Variants in DLG2 observed in about 807,000 individuals in gnomAD.
DLG2 encodes the protein discs large MAGUK scaffold protein 2.
Under a neutral mutation model 132.5 loss-of-function variants are expected in DLG2, and 45 were observed. The ratio of observed to expected loss-of-function variants is 0.34; its 90% CI spans 0.27 to 0.44. The LOEUF (loss-of-function observed/expected upper bound fraction) is 0.44. Ranked by LOEUF, DLG2 falls within the 20% of genes least tolerant of loss-of-function variation. DLG2 has a pLI of 1.00. For missense variants in DLG2, 1,045 were observed against 1,196.9 expected (o/e 0.87, Z 1.87); for synonymous variants, 424 against 419.6 (o/e 1.01, Z -0.13).
intron 6 of DLG2, among the ~76,000 whole-genome samples, chr11:84,915,745 T>G (rs994766749): frequency 6.6e-6 from 1 of 152,214 alleles, no homozygotes; most frequent in Admixed American, 6.5e-5. Context: ...TCTTATTTGG[T>G]GGTAACACAT....
At chr11:84,532,881 G>A (rs954217154) in intron 7 of DLG2, among the ~76,000 whole-genome samples, 5 of 152,016 alleles carry the variant, frequency 3.3e-5, no homozygotes, top group South Asian at 2.1e-4. Context: ...TCAGTCTCTC[G>A]GCCCTGCCCT....
intron 19 of DLG2, among the ~76,000 whole-genome samples, chr11:83,623,599 A>G (rs2061995565): frequency 1.3e-5 from 2 of 152,222 alleles, no homozygotes. Context: ...AAAACAGAGG[A>G]GCATGTGCTT....
chr11:85,516,520 CA>C (rs758721717), intron 3 of DLG2, among the ~76,000 whole-genome samples: 1 of 151,884 alleles, frequency 6.6e-6, no homozygotes, highest in East Asian at 1.9e-4. Flanking sequence ...TAAATGTAAA[CA>C]AAAGTGATAG....
intron 5 of DLG2, among the ~76,000 whole-genome samples, chr11:85,152,897 T>TC (rs2077348767): frequency 6.6e-6 from 1 of 152,184 alleles, no homozygotes; most frequent in African/African-American, 2.4e-5. Context: ...AATCAACCAG[T>TC]TTTAATTCAT....
intron 6 of DLG2, among the ~76,000 whole-genome samples, chr11:84,645,759 G>A (rs772360920): frequency 6.6e-6 from 1 of 152,182 alleles, no homozygotes; most frequent in Admixed American, 6.5e-5. Flanking sequence ...GAGCCACCGC[G>A]CCAGGCCCAT....
At chr11:84,324,169 T>A (rs2098419480) in intron 7 of DLG2, among the ~76,000 whole-genome samples, 1 of 152,072 alleles carries the variant, frequency 6.6e-6, no homozygotes, top group South Asian at 2.1e-4. Context: ...TTTATATTTT[T>A]ATCCAGGAGT....
At chr11:84,725,562 C>G (rs1205679157) in intron 6 of DLG2, among the ~76,000 whole-genome samples, 1 of 152,044 alleles carries the variant, frequency 6.6e-6, no homozygotes, top group Non-Finnish European at 1.5e-5. Context: ...GTTTACAAAC[C>G]AGTTGACTAG....
At position 84,918,606 on chromosome 11, in the gene DLG2, G is replaced by A. The variant is rs546591928; in HGVS notation, c.357+193055C>T. On this transcript the variant is annotated intron_variant, in intron 6 of 27. Coordinates refer to ENST00000376104, the MANE Select transcript of DLG2 (RefSeq NM_001142699.3). ...GCATGATAAATGTCTGAATTCTAGA[G>A]TGTTTAGGCTTCAATAAATTGTTTT... Among the ~76,000 whole-genome samples the A allele has an allele frequency of 7.2e-5, 11 of 152,270 alleles. No homozygotes were observed. The East Asian group carries it at 1.9e-3, about 27-fold the overall frequency.
intron 7 of DLG2, among the ~76,000 whole-genome samples, chr11:84,290,079 T>A (rs1404039590): frequency 6.6e-6 from 1 of 152,126 alleles, no homozygotes; most frequent in Non-Finnish European, 1.5e-5. Context: ...AAAGGCTGAG[T>A]ATCTATAGCG....
At chr11:84,109,328 C>T (rs1566540489) in intron 9 of DLG2, among the ~76,000 whole-genome samples, 1 of 152,054 alleles carries the variant, frequency 6.6e-6, no homozygotes, top group African/African-American at 2.4e-5. Flanking sequence ...AGTGACAGAC[C>T]TAGGATTATG....
intron 5 of DLG2, among the ~76,000 whole-genome samples, chr11:85,146,224 C>G (rs1450529282): frequency 7.6e-6 from 1 of 130,902 alleles, no homozygotes; most frequent in African/African-American, 3.5e-5. Context: ...ATGTCTGTTT[C>G]TCCCTCTCTC....
rs201706117 is a variant in DLG2, at chr11:84,017,283, C to T, written c.920-36641G>A. On this transcript the variant is annotated intron_variant, in intron 11 of 27. Coordinates refer to ENST00000376104, the MANE Select transcript of DLG2 (RefSeq NM_001142699.3). ...TTACATAATAAAGTATAGTCTTCTG[C>T]CTACAAATTCACAGATGATTATAAA... 1.2e-4 allele frequency among the ~76,000 whole-genome samples: 18 copies of T among 151,944 alleles called. No individual in the cohort carries two copies. In the East Asian group the frequency reaches 3.3e-3, roughly 28 times the overall value.
rs201717282 is a variant in DLG2 at position 84,173,718 on chromosome 11, T to C, written c.574-10207A>G. The stretch of plus-strand genomic sequence containing the variant: ...AGCTTTTGTTTGTGTTCCACTATTA[T>C]ACAAAAGTTGAACCCAAAATAATCA... On this transcript the variant is annotated intron_variant, in intron 8 of 27. Transcript: ENST00000376104. 3.9e-5 allele frequency among the ~76,000 whole-genome samples: 6 copies of C among 152,290 alleles called. No individual in the cohort carries two copies. The East Asian group carries it at 5.8e-4, about 15-fold the overall frequency.
chr11:85,228,599 T>C (rs546365693), intron 4 of DLG2, among the ~76,000 whole-genome samples: 31 of 152,204 alleles, frequency 2.0e-4, no homozygotes, highest in South Asian at 1.7e-3. Context: ...ATTATACTTT[T>C]GCATTTAAGC....
At chr11:83,708,256 C>G (rs1383550885) in intron 18 of DLG2, among the ~76,000 whole-genome samples, 3 of 152,098 alleles carry the variant, frequency 2.0e-5, no homozygotes, top group Non-Finnish European at 2.9e-5. Flanking sequence ...CACAAAGTAC[C>G]TAGGAAACAG....
chr11:84,287,427 G>T (rs2097920665), intron 7 of DLG2, among the ~76,000 whole-genome samples: 1 of 152,036 alleles, frequency 6.6e-6, no homozygotes, highest in African/African-American at 2.4e-5. Flanking sequence ...TAAAGCTTTG[G>T]ACTTCTTAGG....
chr11:85,396,142 G>C (rs1470911739), intron 3 of DLG2, among the ~76,000 whole-genome samples: 3 of 152,162 alleles, frequency 2.0e-5, no homozygotes, highest in Non-Finnish European at 4.4e-5. Flanking sequence ...GTCTGGAGTG[G>C]ACCTACAGCA....
In DLG2 at chr11:85,347,240, C is replaced by G. The variant is rs180713330; in HGVS notation, c.41-61875G>C. On this transcript the variant is annotated intron_variant, in intron 3 of 27. Transcript: ENST00000376104. The stretch of plus-strand genomic sequence containing the variant: ...CTCAGAAATTAGTCTCAGAATCATG[C>G]TCCCCCTAAGCTTGTCTTGTTTCTC... 8.5e-4 allele frequency among the ~76,000 whole-genome samples: 130 copies of G among 152,142 alleles called. 1 individual carries two copies. Among genetic ancestry groups the G allele is most frequent in the African/African-American group, 3.0e-3 (124 of 41,470 alleles).
At chr11:84,071,261 T>C (rs2096752378) in intron 10 of DLG2, among the ~76,000 whole-genome samples, 1 of 151,858 alleles carries the variant, frequency 6.6e-6, no homozygotes, top group Non-Finnish European at 1.5e-5. Context: ...TGGCTTTTTT[T>C]TTATTTTTAT....
Sources: gnomAD v4.1 joint callset for allele counts (sites outside exome capture counted in the v4.1 genomes callset) on GRCh38, gnomAD v4.1.1 for gene constraint, MANE v1.5 for transcripts, NCBI Gene and HGNC (gene_info 2026-07-23, HGNC 2026-07-21) for gene names.